GPC3: variants seen among roughly 807,000 people sequenced by gnomAD.
The protein encoded by GPC3 is glypican-3.
Under a neutral mutation model 34.4 loss-of-function variants are expected in GPC3, and 3 were observed. The observed-to-expected ratio is 0.09, with a 90% CI of 0.04 to 0.23. The LOEUF (loss-of-function observed/expected upper bound fraction) is 0.23. Among genes scored for constraint, GPC3 ranks in the 10% least tolerant of loss-of-function variants. The pLI is 1.00. For missense variants in GPC3, 351 were observed against 445.6 expected (o/e 0.79, Z 1.91); for synonymous variants, 177 against 174.0 (o/e 1.02, Z -0.13).
intron 3 of GPC3, among the ~76,000 whole-genome samples, chrX:133,738,165 C>T (rs913842256): frequency 2.7e-5 from 3 of 111,935 alleles, no homozygotes; most frequent in Non-Finnish European, 5.6e-5. Flanking sequence ...CAAGGTCTCG[C>T]TATGTTGCCA....
chrX:133,583,554 G>T (rs1056895102), intron 7 of GPC3, among the ~76,000 whole-genome samples: 1 of 110,675 alleles, frequency 9.0e-6, no homozygotes, highest in Non-Finnish European at 1.9e-5. Context: ...TAGTAGAGAC[G>T]GGATGTTGCC....
At chrX:133,711,629 A>G (rs1405627477) in intron 3 of GPC3, among the ~76,000 whole-genome samples, 1 of 111,824 alleles carries the variant, frequency 8.9e-6, no homozygotes, top group Non-Finnish European at 1.9e-5. Context: ...GGGAGGTCCT[A>G]AAGGGCAAAC....
At chrX:133,861,100 A>G (rs745591125) in intron 2 of GPC3, among the ~76,000 whole-genome samples, 1 of 111,550 alleles carries the variant, frequency 9.0e-6, no homozygotes, top group Non-Finnish European at 1.9e-5. Flanking sequence ...GTCTCAAAAA[A>G]AATTGATTGA....
intron 2 of GPC3, among the ~76,000 whole-genome samples, chrX:133,823,517 T>C (rs1465235894): frequency 1.8e-5 from 2 of 111,526 alleles, no homozygotes; most frequent in African/African-American, 6.5e-5. Context: ...TAAAATAGTC[T>C]ATAACGGCCT....
At chrX:133,551,947 T>C (rs2069437229) in intron 7 of GPC3, among the ~76,000 whole-genome samples, 2 of 112,873 alleles carry the variant, frequency 1.8e-5, no homozygotes, top group African/African-American at 6.4e-5. Flanking sequence ...TAGTTAATGC[T>C]GATTCATGGC....
intron 6 of GPC3, among the ~76,000 whole-genome samples, chrX:133,653,520 G>A (rs1247456666): frequency 2.7e-5 from 3 of 111,616 alleles, no homozygotes; most frequent in Non-Finnish European, 5.6e-5. Flanking sequence ...GACCCTGAAT[G>A]AGAACAGGAG....
At chrX:133,584,650 T>C (rs1203939165) in intron 7 of GPC3, among the ~76,000 whole-genome samples, 1 of 111,134 alleles carries the variant, frequency 9.0e-6, no homozygotes, top group East Asian at 2.8e-4. Flanking sequence ...GTATAATTTT[T>C]GGATTTTTGG....
intron 5 of GPC3, among the ~76,000 whole-genome samples, chrX:133,680,828 G>T (rs1411458802): frequency 9.0e-6 from 1 of 111,642 alleles, no homozygotes; most frequent in Non-Finnish European, 1.9e-5. Flanking sequence ...AGATGTCTTT[G>T]CTGTGAAACA....
intron 7 of GPC3, among the ~76,000 whole-genome samples, chrX:133,561,920 T>C (rs1376948985): frequency 2.7e-5 from 3 of 112,446 alleles, no homozygotes; most frequent in Non-Finnish European, 5.6e-5. Context: ...TTCAAGTATC[T>C]TCTTTGGACA....
At chrX:133,822,017 T>C (rs2075721990) in intron 2 of GPC3, among the ~76,000 whole-genome samples, 1 of 111,993 alleles carries the variant, frequency 8.9e-6, no homozygotes, top group South Asian at 3.8e-4. Flanking sequence ...CTCACCCTTA[T>C]GTGCAGTTTT....
intron 1 of GPC3, among the ~76,000 whole-genome samples, chrX:133,978,811 G>A (rs766757029): frequency 8.9e-6 from 1 of 111,817 alleles, no homozygotes; most frequent in South Asian, 3.7e-4. Flanking sequence ...AAATATAGCC[G>A]CTAACCTCAA....
At chrX:133,596,813 C>G (rs767987274) in intron 6 of GPC3, among the ~76,000 whole-genome samples, 2 of 111,745 alleles carry the variant, frequency 1.8e-5, no homozygotes, top group South Asian at 3.8e-4. Context: ...TGGTCTACTC[C>G]TTGACTCTAC....
chrX:133,746,603 A>G (rs1323626897), intron 3 of GPC3, among the ~76,000 whole-genome samples: 1 of 112,516 alleles, frequency 8.9e-6, no homozygotes, highest in African/African-American at 3.2e-5. Flanking sequence ...CACTGAAGCT[A>G]TTTTGATTGT....
rs143721140 is a variant in GPC3 at position 133,734,195 on chromosome X, T to C, written c.1032+19287A>G. Among the ~76,000 whole-genome samples, 698 of 111,929 alleles carry C rather than the reference T, an allele frequency of 6.2e-3. 6 individuals carry two copies. Among genetic ancestry groups the C allele is most frequent in the African/African-American group, 0.021 (662 of 30,884 alleles). On this transcript the variant is annotated intron_variant, in intron 3 of 7. Transcript: ENST00000370818. ...AAAATATAAACAGCATCATATACCA[T>C]GACCAGGCGAGATTTATCCCAGAAA...
At chrX:133,864,293 G>A (rs773436643) in intron 2 of GPC3, among the ~76,000 whole-genome samples, 6 of 111,571 alleles carry the variant, frequency 5.4e-5, no homozygotes, top group South Asian at 7.6e-4. Context: ...CGCACTTCAC[G>A]GTTTTGACTA....
chrX:133,672,756 T>A (rs1338890520), intron 5 of GPC3, among the ~76,000 whole-genome samples: 1 of 110,659 alleles, frequency 9.0e-6, no homozygotes, highest in Non-Finnish European at 1.9e-5. Context: ...GTTCACGCCA[T>A]TCTCCTGCCT....
intron 2 of GPC3, among the ~76,000 whole-genome samples, chrX:133,919,318 C>G (rs1002403642): frequency 3.6e-5 from 4 of 111,822 alleles, no homozygotes; most frequent in African/African-American, 1.3e-4. Flanking sequence ...TTTCACAACC[C>G]CTTCCCTTCG....
chrX:133,941,334 C>G (rs1460492374), intron 2 of GPC3, among the ~76,000 whole-genome samples: 2 of 112,549 alleles, frequency 1.8e-5, no homozygotes, highest in Admixed American at 9.4e-5. Flanking sequence ...TTCCAGCTAC[C>G]AGGGCACAGG....
At chrX:133,747,201 A>T (rs1280575948) in intron 3 of GPC3, among the ~76,000 whole-genome samples, 1 of 111,997 alleles carries the variant, frequency 8.9e-6, no homozygotes, top group Non-Finnish European at 1.9e-5. Flanking sequence ...CAGATGCATT[A>T]AAAACTATGT....
Sources: allele counts gnomAD v4.1 joint callset (sites outside exome capture counted in the v4.1 genomes callset), GRCh38; gene constraint gnomAD v4.1.1; transcripts MANE v1.5; gene names NCBI Gene and HGNC (gene_info 2026-07-23, HGNC 2026-07-21).